The following PTPN11 variants were observed in gnomAD, a reference collection of about 807,000 sequenced individuals.
PTPN11 encodes the protein tyrosine-protein phosphatase non-receptor type 11.
PTPN11 carries 6 observed loss-of-function variants against 78.8 expected under a neutral mutation model. That is an observed-to-expected ratio of 0.08 (90% confidence interval 0.04 to 0.15). The LOEUF is 0.15. Ranked by LOEUF, PTPN11 falls within the 10% of genes least tolerant of loss-of-function variation. The probability of loss-of-function intolerance (pLI) is 1.00; values close to 1 mark genes in which losing one functional copy is unlikely to be tolerated. For missense variants in PTPN11, 386 were observed against 744.8 expected (o/e 0.52, Z 5.61); for synonymous variants, 221 against 263.5 (o/e 0.84, Z 1.56).
chr12:112,442,861 T>TATATAAATTATATATACAC (rs2037925264), intron 1 of PTPN11, among the ~76,000 whole-genome samples: 1 of 79,668 alleles, frequency 1.3e-5, no homozygotes, highest in African/African-American at 5.8e-5. Flanking sequence ...TATATATATA[T>TATATAAATTATATATACAC]ATATATATAT....
In PTPN11 at chr12:112,446,394, G is replaced by A. The variant is rs2037995352; in HGVS notation, c.133G>A (p.Val45Ile). Reference protein sequence around the residue: ...KSNPGDFTLSVRRNGAVTHIK... With the variant: ...KSNPGDFTLSIRRNGAVTHIK... ...TAACCCTGGAGACTTCACACTTTCC[G>A]TTAGGTAAGTTGGAATGAAAAGAGA... The change falls in exon 2 of 16, where the codon GTT (valine) becomes ATT (isoleucine). Residue 45 changes from valine (V) to isoleucine (I), a missense_variant. Val to Ile is a conservative substitution (Grantham distance 29, BLOSUM62 3). This residue lies in a region of PTPN11 where 279 missense variants were observed against 503.3 expected (regional missense o/e 0.55). Transcript: ENST00000351677. 6.2e-7 allele frequency: 1 copy of A among 1,614,100 alleles called. No individual in the cohort carries two copies. Among genetic ancestry groups the A allele is most frequent in the Non-Finnish European group, 8.5e-7 (1 of 1,179,996 alleles).
chr12:112,452,462 G>T (rs955314716), intron 3 of PTPN11, among the ~76,000 whole-genome samples: 1 of 152,122 alleles, frequency 6.6e-6, no homozygotes, highest in Non-Finnish European at 1.5e-5. Flanking sequence ...TTGACCTCAG[G>T]TGATCCACCT....
intron 1 of PTPN11, among the ~76,000 whole-genome samples, chr12:112,444,672 T>TA (rs1033097543): frequency 2.0e-5 from 3 of 152,086 alleles, no homozygotes; most frequent in African/African-American, 4.8e-5. Flanking sequence ...AACAATTAGT[T>TA]AAAAAAATAG....
chr12:112,439,312 G>A (rs1248947573), intron 1 of PTPN11, among the ~76,000 whole-genome samples: 1 of 151,728 alleles, frequency 6.6e-6, no homozygotes, highest in Non-Finnish European at 1.5e-5. Context: ...TTATATTTTT[G>A]AGACAGAGTC....
At chr12:112,422,376 C>T (rs952885903) in intron 1 of PTPN11, among the ~76,000 whole-genome samples, 7 of 152,156 alleles carry the variant, frequency 4.6e-5, no homozygotes, top group African/African-American at 1.7e-4. Flanking sequence ...AGTGATAGTA[C>T]TGGATTTAGA....
At chr12:112,492,866 G>A (rs529008671) in intron 13 of PTPN11, among the ~76,000 whole-genome samples, 2 of 152,058 alleles carry the variant, frequency 1.3e-5, no homozygotes, top group East Asian at 3.9e-4. Flanking sequence ...TTAAATTCTT[G>A]CCTGAAAAAA....
chr12:112,452,435 A>C (rs1024214274), intron 3 of PTPN11, among the ~76,000 whole-genome samples: 10 of 152,152 alleles, frequency 6.6e-5, no homozygotes, highest in Non-Finnish European at 4.4e-5. Flanking sequence ...CATGTTGGTC[A>C]GGCTGGTCTC....
At chr12:112,425,495 G>C (rs779368794) in intron 1 of PTPN11, among the ~76,000 whole-genome samples, 35 of 151,986 alleles carry the variant, frequency 2.3e-4, no homozygotes, top group Non-Finnish European at 4.0e-4. Context: ...AATTTTTCTG[G>C]AGTAGCAGGT....
intron 13 of PTPN11, among the ~76,000 whole-genome samples, chr12:112,491,429 TGTTGG>T (rs2038743499): frequency 6.6e-6 from 1 of 152,212 alleles, no homozygotes; most frequent in Admixed American, 6.5e-5. Context: ...GTAAAATGTT[TGTTGG>T]TTACAAACAT....
At chr12:112,495,664 T>C (rs2038805161) in intron 13 of PTPN11, among the ~76,000 whole-genome samples, 1 of 152,154 alleles carries the variant, frequency 6.6e-6, no homozygotes. Flanking sequence ...ATTGAAAATA[T>C]CATAAGTCAA....
At chr12:112,430,547 G>A (rs930296086) in intron 1 of PTPN11, among the ~76,000 whole-genome samples, 2 of 151,852 alleles carry the variant, frequency 1.3e-5, no homozygotes, top group African/African-American at 4.8e-5. Context: ...TCCCGTCTCA[G>A]CCTCTAGAGT....
At chr12:112,424,939 CCACCAT>C (rs2037586684) in intron 1 of PTPN11, among the ~76,000 whole-genome samples, 1 of 136,884 alleles carries the variant, frequency 7.3e-6, no homozygotes, top group East Asian at 3.9e-4. Flanking sequence ...CAGGCACACA[CCACCAT>C]GTCAGGCTAA....
chr12:112,441,987 C>T (rs1380806373), intron 1 of PTPN11, among the ~76,000 whole-genome samples: 1 of 151,594 alleles, frequency 6.6e-6, no homozygotes, highest in African/African-American at 2.4e-5. Flanking sequence ...CTGTGTTAGC[C>T]AGGATGGTCT....
chr12:112,473,923 TCTCA>T (rs1750441412), intron 7 of PTPN11, among the ~76,000 whole-genome samples: 1 of 152,058 alleles, frequency 6.6e-6, no homozygotes, highest in Admixed American at 6.5e-5. Context: ...TGAGACATAG[TCTCA>T]CTCTGTTGCT....
At chr12:112,461,930 A>G (rs2038254600) in intron 6 of PTPN11, among the ~76,000 whole-genome samples, 1 of 152,216 alleles carries the variant, frequency 6.6e-6, no homozygotes, top group African/African-American at 2.4e-5. Context: ...AAGCCATAAT[A>G]AGATTATTCA....
rs1216554445 is a variant in PTPN11 at position 112,455,945 on chromosome 12, A to G, written c.643-5A>G. 2 of 1,548,364 alleles carry G rather than the reference A, an allele frequency of 1.3e-6. No individual in the cohort carries two copies. Among genetic ancestry groups the G allele is most frequent in the Non-Finnish European group, 8.9e-7 (1 of 1,123,624 alleles). ...TATTTTACATCAACTGCTGTACTCG[A>G]TCAGCCCCTTAACACGACTCGTATA... On this transcript the variant is annotated splice_region_variant and splice_polypyrimidine_tract_variant and intron_variant, in intron 5 of 15. Coordinates refer to ENST00000351677, the MANE Select transcript of PTPN11 (RefSeq NM_002834.5).
intron 1 of PTPN11, among the ~76,000 whole-genome samples, chr12:112,420,163 A>G (rs781183740): frequency 5.9e-5 from 9 of 152,198 alleles, no homozygotes; most frequent in Non-Finnish European, 7.3e-5. Flanking sequence ...GTTGTCAAAC[A>G]GTAGTGTGAC....
intron 6 of PTPN11, among the ~76,000 whole-genome samples, chr12:112,459,445 T>C (rs970646353): frequency 9.9e-5 from 15 of 151,948 alleles, no homozygotes; most frequent in Non-Finnish European, 8.8e-5. Context: ...TTTTTTTTTT[T>C]TTTGAGATAG....
intron 10 of PTPN11, 104 bp from the exon 11 acceptor site, chr12:112,486,371 G>A (rs1335682803): frequency 5.7e-6 from 7 of 1,221,672 alleles, no homozygotes; most frequent in Non-Finnish European, 8.3e-6. Flanking sequence ...AACCTGGGGA[G>A]ATTCTCTTCC....
Sources: gnomAD v4.1 joint callset for allele counts (sites outside exome capture counted in the v4.1 genomes callset) on GRCh38, gnomAD v4.1.1 for gene constraint, gnomAD v4.1.1 regional missense constraint, MANE v1.5 for transcripts, NCBI Gene and HGNC (gene_info 2026-07-23, HGNC 2026-07-21) for gene names.